The following RBMS1 variants were observed in gnomAD, a reference collection of about 807,000 sequenced individuals.
RBMS1 encodes the protein RNA-binding motif, single-stranded-interacting protein 1.
RBMS1 carries 17 observed loss-of-function variants against 62.3 expected under a neutral mutation model. The observed-to-expected ratio is 0.27, with a 90% CI of 0.19 to 0.41. The LOEUF (loss-of-function observed/expected upper bound fraction) is 0.41. Among genes scored for constraint, RBMS1 ranks in the 10% least tolerant of loss-of-function variants. RBMS1 has a pLI of 1.00. For synonymous variants in RBMS1, 172 were observed against 170.0 expected, an observed-to-expected ratio of 1.01 and a Z score of -0.09; for missense variants, 334 against 504.5, an observed-to-expected ratio of 0.66 and a Z score of 3.24.
intron 1 of RBMS1, among the ~76,000 whole-genome samples, chr2:160,431,879 C>T (rs1365295859): frequency 2.0e-5 from 3 of 152,084 alleles, no homozygotes; most frequent in Non-Finnish European, 4.4e-5. Flanking sequence ...GTTATATAAC[C>T]CTCATATAGC....
intron 1 of RBMS1, among the ~76,000 whole-genome samples, chr2:160,389,816 C>T (rs558162493): frequency 5.0e-4 from 71 of 142,696 alleles, no homozygotes; most frequent in African/African-American, 1.8e-3. Context: ...TTTTTTCAAT[C>T]AATCCATCTA....
intron 2 of RBMS1, among the ~76,000 whole-genome samples, chr2:160,327,681 T>G (rs887553335): frequency 6.6e-6 from 1 of 152,172 alleles, no homozygotes; most frequent in African/African-American, 2.4e-5. Flanking sequence ...CACTTAAGGA[T>G]GTAGTCACAG....
At chr2:160,439,554 G>A (rs1289915577) in intron 1 of RBMS1, among the ~76,000 whole-genome samples, 116 of 150,066 alleles carry the variant, frequency 7.7e-4, no homozygotes, top group Middle Eastern at 3.6e-3. Flanking sequence ...GGGCAGAGAC[G>A]CTCCTCACTT....
intron 2 of RBMS1, among the ~76,000 whole-genome samples, chr2:160,324,907 T>TACACAC (rs1183675474): frequency 6.5e-4 from 69 of 106,800 alleles, no homozygotes; most frequent in African/African-American, 2.1e-3. Context: ...TATATATATA[T>TACACAC]ACACACACAC....
chr2:160,320,619 A>C (rs1574276504), intron 2 of RBMS1, among the ~76,000 whole-genome samples: 1 of 152,104 alleles, frequency 6.6e-6, no homozygotes, highest in East Asian at 1.9e-4. Flanking sequence ...CTGGTTGTGC[A>C]AAGAGCCTGG....
intron 4 of RBMS1, among the ~76,000 whole-genome samples, 191 bp from the exon 5 acceptor site, chr2:160,303,678 C>G (rs1027943262): frequency 6.6e-6 from 1 of 152,164 alleles, no homozygotes; most frequent in Non-Finnish European, 1.5e-5. Flanking sequence ...AGGCCAGACA[C>G]GATCCCACCA....
At chr2:160,331,082 C>A (rs897694126) in intron 2 of RBMS1, among the ~76,000 whole-genome samples, 1 of 152,090 alleles carries the variant, frequency 6.6e-6, no homozygotes, top group African/African-American at 2.4e-5. Context: ...CATGTTCCCC[C>A]ACAGGTTTCA....
intron 7 of RBMS1, among the ~76,000 whole-genome samples, chr2:160,286,378 G>T (rs942864045): frequency 2.7e-5 from 4 of 145,488 alleles, no homozygotes; most frequent in Admixed American, 6.9e-5. Context: ...GGAGTGCAGT[G>T]GCATGATCTT....
intron 4 of RBMS1, among the ~76,000 whole-genome samples, chr2:160,305,393 T>C (rs1352886203): frequency 6.6e-6 from 1 of 152,214 alleles, no homozygotes; most frequent in Admixed American, 6.5e-5. Flanking sequence ...CAAATACTTA[T>C]CATTGTATTA....
At chr2:160,322,270 A>G (rs188610342) in intron 2 of RBMS1, among the ~76,000 whole-genome samples, 2 of 152,320 alleles carry the variant, frequency 1.3e-5, no homozygotes, top group Non-Finnish European at 2.9e-5. Flanking sequence ...TTTCATGGCA[A>G]CTTATCAATG....
intron 1 of RBMS1, among the ~76,000 whole-genome samples, chr2:160,433,017 C>T (rs370942987): frequency 2.2e-3 from 340 of 152,180 alleles, no homozygotes; most frequent in African/African-American, 7.5e-3. Context: ...AGCTGAGTTA[C>T]GAGCTACTCT....
chr2:160,482,273 G>A (rs1685401591), intron 1 of RBMS1, among the ~76,000 whole-genome samples: 1 of 152,142 alleles, frequency 6.6e-6, no homozygotes, highest in South Asian at 2.1e-4. Context: ...AACCAACAAA[G>A]ATAGAAGTCA....
Position 160,273,156 on chromosome 2 carries a change from T to A in RBMS1, c.*1616A>T, listed in dbSNP as rs1418028257. 2.6e-5 allele frequency: 4 copies of A among 152,262 alleles called. No homozygotes were observed. Among genetic ancestry groups the A allele is most frequent in the Admixed American group, 2.6e-4 (4 of 15,294 alleles). The allele number at this position is 152,262 out of a possible 1,614,324, so 9.4% of individuals were successfully genotyped here. On this transcript the variant is annotated 3_prime_UTR_variant, in exon 14 of 14. Transcript: ENST00000348849. ...GTGAATTATCTTATATGTACTAAAG[T>A]AGAAATAACTGTGTATTTATGAATC...
At chr2:160,326,568 A>G (rs1690942325) in intron 2 of RBMS1, among the ~76,000 whole-genome samples, 1 of 152,226 alleles carries the variant, frequency 6.6e-6, no homozygotes, top group Admixed American at 6.5e-5. Context: ...AAGGACAGAG[A>G]GAACAGAATG....
rs1467220255 is a variant in RBMS1 at position 160,493,423 on chromosome 2, G to C, written c.-60C>G. 10 of 1,536,070 alleles carry C rather than the reference G, an allele frequency of 6.5e-6. No homozygotes were observed. Among genetic ancestry groups the C allele is most frequent in the Non-Finnish European group, 9.0e-6 (10 of 1,112,084 alleles). ...GACACTTTGGGGTTTCCAAGTCTCG[G>C]GCTCTCCTGCCTCTCCCTTTCCGGC... On this transcript the variant is annotated 5_prime_UTR_variant, in exon 1 of 14. Transcript: ENST00000348849.
At chr2:160,409,531 T>G (rs963427544) in intron 1 of RBMS1, among the ~76,000 whole-genome samples, 19 of 152,328 alleles carry the variant, frequency 1.2e-4, no homozygotes, top group Admixed American at 4.6e-4. Flanking sequence ...TTACTGCAAG[T>G]TATCAAGCAC....
chr2:160,454,286 A>G (rs1320928212), intron 1 of RBMS1, among the ~76,000 whole-genome samples: 2 of 152,258 alleles, frequency 1.3e-5, no homozygotes, highest in Non-Finnish European at 2.9e-5. Flanking sequence ...GCAATGTTAC[A>G]TGAGTATTTA....
intron 2 of RBMS1, among the ~76,000 whole-genome samples, chr2:160,325,177 C>T (rs1690855220): frequency 6.6e-6 from 1 of 151,918 alleles, no homozygotes; most frequent in Non-Finnish European, 1.5e-5. Context: ...AAAGTAATTC[C>T]CAGTTTGACT....
chr2:160,317,644 G>A (rs977642600), intron 3 of RBMS1, among the ~76,000 whole-genome samples: 7 of 152,150 alleles, frequency 4.6e-5, no homozygotes, highest in Non-Finnish European at 1.0e-4. Context: ...AATTTGGTCA[G>A]TGAAAATGGT....
Sources: allele counts gnomAD v4.1 joint callset (sites outside exome capture counted in the v4.1 genomes callset), GRCh38; gene constraint gnomAD v4.1.1; transcripts MANE v1.5; gene names NCBI Gene and HGNC (gene_info 2026-07-23, HGNC 2026-07-21).